Variants in MGMT observed in about 807,000 individuals in gnomAD.
MGMT encodes the protein O-6-methylguanine-DNA methyltransferase.
In MGMT, 14 loss-of-function variants were observed where a neutral mutation model predicts 15.9. The ratio of observed to expected loss-of-function variants is 0.88; its 90% confidence interval spans 0.58 to 1.37. The LOEUF (loss-of-function observed/expected upper bound fraction) is 1.37. MGMT is among the 40% of genes most tolerant of loss of function. The pLI is 0.00. For synonymous variants in MGMT, 130 were observed against 118.2 expected (o/e 1.10, Z -0.65); for missense variants, 282 against 268.1 (o/e 1.05, Z -0.36).
At chr10:129,558,910 C>T (rs939421313) in intron 2 of MGMT, among the ~76,000 whole-genome samples, 5 of 152,154 alleles carry the variant, frequency 3.3e-5, no homozygotes, top group African/African-American at 7.2e-5. Context: ...TCCCCGACGC[C>T]GGGCTGGTCT....
intron 1 of MGMT, among the ~76,000 whole-genome samples, chr10:129,474,189 C>T (rs1242550861): frequency 6.6e-6 from 1 of 152,188 alleles, no homozygotes. Context: ...GCCTGCGGAG[C>T]CCAAATGCTG....
intron 2 of MGMT, among the ~76,000 whole-genome samples, chr10:129,555,266 C>A (rs1378759793): frequency 6.6e-6 from 1 of 152,214 alleles, no homozygotes; most frequent in Non-Finnish European, 1.5e-5. Context: ...TTGCCTGAGC[C>A]TGTCCAGCAC....
At chr10:129,536,504 C>T (rs41544714) in intron 2 of MGMT, 127 bp downstream of exon 2, 35,015 of 1,189,536 alleles carry the variant, frequency 0.029, 697 homozygotes, top group Middle Eastern at 0.094. Flanking sequence ...ACCGCAACCA[C>T]GAGTCCGTCT....
intron 2 of MGMT, among the ~76,000 whole-genome samples, chr10:129,576,483 C>T (rs1229708459): frequency 6.6e-6 from 1 of 152,208 alleles, no homozygotes; most frequent in Non-Finnish European, 1.5e-5. Flanking sequence ...CAAAATTCAA[C>T]AACCCTTCAT....
At chr10:129,480,414 T>C (rs939491698) in intron 1 of MGMT, among the ~76,000 whole-genome samples, 2 of 152,248 alleles carry the variant, frequency 1.3e-5, no homozygotes, top group African/African-American at 4.8e-5. Flanking sequence ...TCATCGGCCC[T>C]GTGGAAAATG....
intron 2 of MGMT, among the ~76,000 whole-genome samples, chr10:129,666,121 G>T (rs1329660874): frequency 1.3e-5 from 2 of 152,042 alleles, no homozygotes; most frequent in African/African-American, 4.8e-5. Flanking sequence ...GTGGCAAGAT[G>T]GTAAAAACAG....
chr10:129,724,026 A>T (rs1192799071), intron 3 of MGMT, among the ~76,000 whole-genome samples: 1 of 152,254 alleles, frequency 6.6e-6, no homozygotes, highest in East Asian at 1.9e-4. Context: ...TAGGGCATTT[A>T]TCCAGGAGAA....
At chr10:129,489,621 TC>T (rs1265776751) in intron 1 of MGMT, among the ~76,000 whole-genome samples, 1 of 152,148 alleles carries the variant, frequency 6.6e-6, no homozygotes, top group African/African-American at 2.4e-5. Flanking sequence ...ACTCTCTGTC[TC>T]TCTTGGATTT....
intron 2 of MGMT, among the ~76,000 whole-genome samples, chr10:129,671,668 G>A (rs1337700414): frequency 2.0e-5 from 3 of 152,214 alleles, no homozygotes; most frequent in African/African-American, 7.2e-5. Flanking sequence ...CAGATGTCTT[G>A]TGTGTAACTG....
At chr10:129,698,978 T>C (rs1848064355) in intron 2 of MGMT, among the ~76,000 whole-genome samples, 1 of 152,214 alleles carries the variant, frequency 6.6e-6, no homozygotes, top group Non-Finnish European at 1.5e-5. Flanking sequence ...AAAACACAAG[T>C]GCAGTAAGCT....
intron 2 of MGMT, among the ~76,000 whole-genome samples, chr10:129,576,234 AAAG>A (rs1285566200): frequency 7.2e-5 from 11 of 152,214 alleles, no homozygotes; most frequent in African/African-American, 2.7e-4. Context: ...CACAACCAAA[AAAG>A]AGAATTTTAG....
chr10:129,741,934 G>A (rs554057722), intron 3 of MGMT, among the ~76,000 whole-genome samples: 62 of 152,348 alleles, frequency 4.1e-4, no homozygotes, highest in African/African-American at 1.4e-3. Flanking sequence ...GTGGCTCTGA[G>A]CCTAGTGCTC....
At chr10:129,710,981 T>C (rs1848226487) in intron 3 of MGMT, among the ~76,000 whole-genome samples, 1 of 152,232 alleles carries the variant, frequency 6.6e-6, no homozygotes, top group African/African-American at 2.4e-5. Context: ...CTGGTTTGTC[T>C]ATGTCAACAT....
At position 129,532,894 on chromosome 10, in the gene MGMT, C is replaced by G. The variant is rs927612493; in HGVS notation, c.-12-3347C>G. On this transcript the variant is annotated intron_variant, in intron 1 of 4. Transcript: ENST00000651593. The surrounding 1 kb of genome is among the most constrained non-coding windows in gnomAD (Gnocchi z 5.3). The stretch of plus-strand genomic sequence containing the variant: ...ATGGGGCACTCCCCAGTCCGAATGT[C>G]TGCAGTGCAGCTTCAGGCGCTGATG... Among the ~76,000 whole-genome samples the G allele has an allele frequency of 6.6e-6, 1 of 152,212 alleles. No individual in the cohort carries two copies. The highest frequency in any genetic ancestry group is 2.4e-5 in the African/African-American group (1 of 41,466).
chr10:129,508,391 C>A (rs1274491122), intron 1 of MGMT, among the ~76,000 whole-genome samples: 1 of 152,154 alleles, frequency 6.6e-6, no homozygotes, highest in African/African-American at 2.4e-5. Context: ...AAAAGTTGAT[C>A]TTCACCTAAA....
chr10:129,655,355 C>T (rs538216829), intron 2 of MGMT, among the ~76,000 whole-genome samples: 3 of 152,346 alleles, frequency 2.0e-5, no homozygotes, highest in African/African-American at 7.2e-5. Flanking sequence ...GTTTATCTGT[C>T]TTTAGACTCA....
In MGMT at chr10:129,532,138, G is replaced by T. The variant is rs1454751831; in HGVS notation, c.-12-4103G>T. Among the ~76,000 whole-genome samples, 1 of 152,242 alleles carries T rather than the reference G, an allele frequency of 6.6e-6. No homozygotes were observed. Among genetic ancestry groups the T allele is most frequent in the East Asian group, 1.9e-4 (1 of 5,192 alleles). On this transcript the variant is annotated intron_variant, in intron 1 of 4. Coordinates refer to ENST00000651593, the MANE Select transcript of MGMT (RefSeq NM_002412.5). This position sits in a 1 kb window ranked among gnomAD's most constrained non-coding sequence, Gnocchi z 5.3. ...CAGGCCACCTTTGCTGGTCAGGGGA[G>T]CTGGTTCAGAGGGCTTGAGGCCAGC...
chr10:129,643,711 C>A (rs991300921), intron 2 of MGMT, among the ~76,000 whole-genome samples: 3 of 152,206 alleles, frequency 2.0e-5, no homozygotes, highest in Non-Finnish European at 4.4e-5. Flanking sequence ...TGTTAACCAC[C>A]TCTTCGTGGT....
intron 2 of MGMT, among the ~76,000 whole-genome samples, chr10:129,578,103 A>G (rs1846507911): frequency 6.6e-6 from 1 of 152,238 alleles, no homozygotes; most frequent in East Asian, 1.9e-4. Context: ...AAGTAGTTCA[A>G]CCATTGTGGA....
Sources: gnomAD v4.1 joint callset for allele counts (sites outside exome capture counted in the v4.1 genomes callset) on GRCh38, gnomAD v4.1.1 for gene constraint, Gnocchi (gnomAD v3.1) non-coding constraint, MANE v1.5 for transcripts, NCBI Gene and HGNC (gene_info 2026-07-23, HGNC 2026-07-21) for gene names.